MAN2A1: variants seen among roughly 807,000 people sequenced by gnomAD.
The protein encoded by MAN2A1 is mannosidase alpha class 2A member 1, also known as alpha-mannosidase 2.
A neutral mutation model predicts 142.6 loss-of-function variants in MAN2A1; 76 were observed. That is an observed-to-expected ratio of 0.53 (90% CI 0.44 to 0.65). The LOEUF (loss-of-function observed/expected upper bound fraction) is 0.65. MAN2A1 is among the 30% of genes least tolerant of loss of function. The pLI, the probability that MAN2A1 is intolerant of heterozygous loss-of-function variation, is 0.00. For missense variants in MAN2A1, 1,311 were observed against 1,365.1 expected (o/e 0.96, Z 0.62); for synonymous variants, 559 against 473.2 (o/e 1.18, Z -2.35).
intron 12 of MAN2A1, chr5:109,804,306 T>A: frequency 1.0e-6 from 1 of 984,662 alleles, no homozygotes; most frequent in Non-Finnish European, 1.2e-6. Context: ...ATAGAGCCTT[T>A]GGACTTATTT....
At chr5:109,851,287 A>G (rs987894362) in intron 19 of MAN2A1, among the ~76,000 whole-genome samples, 21 of 152,230 alleles carry the variant, frequency 1.4e-4, no homozygotes, top group Non-Finnish European at 2.9e-4. Flanking sequence ...CTCAAAGCCA[A>G]TAGAAATGGA....
At chr5:109,730,863 A>T (rs1056992196) in intron 4 of MAN2A1, among the ~76,000 whole-genome samples, 1 of 152,122 alleles carries the variant, frequency 6.6e-6, no homozygotes, top group African/African-American at 2.4e-5. Context: ...TCTTCTTTGC[A>T]CACTGCGCCA....
At chr5:109,726,381 G>A (rs1364125960) in intron 3 of MAN2A1, among the ~76,000 whole-genome samples, 2 of 152,118 alleles carry the variant, frequency 1.3e-5, no homozygotes, top group Non-Finnish European at 2.9e-5. Context: ...AGCAATAAAA[G>A]CTAATTTACT....
intron 16 of MAN2A1, among the ~76,000 whole-genome samples, chr5:109,828,170 G>T (rs1207388663): frequency 6.6e-6 from 1 of 151,828 alleles, no homozygotes; most frequent in African/African-American, 2.4e-5. Flanking sequence ...CCCATGTCAG[G>T]TTTAATAAAT....
intron 4 of MAN2A1, among the ~76,000 whole-genome samples, chr5:109,735,298 C>A (rs1428616277): frequency 7.1e-4 from 106 of 148,552 alleles, no homozygotes; most frequent in African/African-American, 2.0e-3. Flanking sequence ...CTGAATACAG[C>A]ACACTGATGG....
At chr5:109,854,439 A>G (rs558732715) in intron 19 of MAN2A1, 1 of 152,308 alleles carries the variant, frequency 6.6e-6, no homozygotes, top group African/African-American at 2.4e-5. Flanking sequence ...ATACTATGTA[A>G]GTGTGTGATA....
At chr5:109,860,670 A>G (rs1755732640) in intron 20 of MAN2A1, among the ~76,000 whole-genome samples, 1 of 152,186 alleles carries the variant, frequency 6.6e-6, no homozygotes, top group Non-Finnish European at 1.5e-5. Flanking sequence ...CTCACATCTT[A>G]AGATCTTCAG....
At chr5:109,779,548 TAC>T (rs964912955) in intron 8 of MAN2A1, among the ~76,000 whole-genome samples, 31 of 126,454 alleles carry the variant, frequency 2.5e-4, no homozygotes, top group South Asian at 2.3e-3. Flanking sequence ...CTTTTATGGT[TAC>T]ACACACACAC....
intron 3 of MAN2A1, among the ~76,000 whole-genome samples, chr5:109,718,387 C>A (rs1461967019): frequency 1.3e-5 from 2 of 152,164 alleles, no homozygotes; most frequent in African/African-American, 4.8e-5. Context: ...GTTTACTGGG[C>A]AGAATGCCAA....
chr5:109,815,845 A>G (rs1754442127), intron 12 of MAN2A1, among the ~76,000 whole-genome samples: 2 of 152,186 alleles, frequency 1.3e-5, no homozygotes, highest in South Asian at 2.1e-4. Context: ...TTGTTATCCA[A>G]CTATTCAGTG....
intron 7 of MAN2A1, among the ~76,000 whole-genome samples, chr5:109,771,659 A>G (rs531478761): frequency 6.6e-6 from 1 of 152,336 alleles, no homozygotes; most frequent in African/African-American, 2.4e-5. Context: ...TTAAGTAGGC[A>G]TAAGAGAATA....
intron 12 of MAN2A1, among the ~76,000 whole-genome samples, chr5:109,799,933 C>G (rs963950004): frequency 2.0e-5 from 3 of 151,696 alleles, no homozygotes; most frequent in African/African-American, 4.8e-5. Context: ...ACAGAAAATA[C>G]AAAAATTAGC....
Position 109,868,338 on chromosome 5 carries a change from G to T in MAN2A1, c.*1340G>T, listed in dbSNP as rs959699498. The T allele has an allele frequency of 1.3e-5, 2 of 152,120 alleles. No individual in the cohort carries two copies. Among genetic ancestry groups the T allele is most frequent in the African/African-American group, 4.8e-5 (2 of 41,410 alleles). 9.4% of individuals were successfully genotyped at this position (152,120 alleles called of 1,614,324 possible). ...TTCTGAGCCCGTGTGCCATTACAGT[G>T]CTTTTAATAAAATTTATTTGGGATT... On this transcript the variant is annotated 3_prime_UTR_variant, in exon 22 of 22. Coordinates refer to ENST00000261483, the MANE Select transcript of MAN2A1 (RefSeq NM_002372.4).
At chr5:109,804,341 C>A in intron 12 of MAN2A1, 2 of 936,196 alleles carry the variant, frequency 2.1e-6, no homozygotes, top group Non-Finnish European at 2.6e-6. Context: ...CAGAGAGTAG[C>A]GCTTTTTTTA....
rs767608762 is a variant in MAN2A1, at chr5:109,817,263, G to A, written c.1944-10G>A. 32 of 1,612,230 alleles carry A rather than the reference G, an allele frequency of 2.0e-5. No individual in the cohort carries two copies. Among genetic ancestry groups the A allele is most frequent in the Non-Finnish European group, 2.7e-5 (32 of 1,179,046 alleles). ...TTGAGATCCCAATAATGAAGCAGCT[G>A]TTTTTGCAGGTACCTTGTGGTCTAT... On this transcript the variant is annotated splice_polypyrimidine_tract_variant and intron_variant, in intron 12 of 21. Transcript: ENST00000261483.
chr5:109,748,872 A>G (rs1029444507), intron 4 of MAN2A1, among the ~76,000 whole-genome samples: 1 of 151,650 alleles, frequency 6.6e-6, no homozygotes, highest in Non-Finnish European at 1.5e-5. Flanking sequence ...AGTTTCTCCT[A>G]TCATTATATA....
rs529006059 is a variant in MAN2A1 at position 109,690,089 on chromosome 5, T to C, written c.-329T>C. ...GGCAGGAAGTGCGGGCAGCGACCTC[T>C]CCTCCGCCTGCCCCGCGCGCCCTGC... On this transcript the variant is annotated 5_prime_UTR_variant, in exon 1 of 22. Coordinates refer to ENST00000261483, the MANE Select transcript of MAN2A1 (RefSeq NM_002372.4). 17 of 274,884 alleles carry C rather than the reference T, an allele frequency of 6.2e-5. 1 individual carries two copies. The highest frequency in any genetic ancestry group is 3.7e-4 in the African/African-American group (16 of 43,744). 17.0% of individuals were successfully genotyped at this position (274,884 alleles called of 1,614,324 possible).
intron 9 of MAN2A1, 53 bp from the exon 10 acceptor site, chr5:109,784,691 T>C (rs887166106): frequency 7.2e-7 from 1 of 1,384,834 alleles, no homozygotes; most frequent in South Asian, 1.6e-5. Flanking sequence ...AAGTTTTAGA[T>C]TATAAGCTAA....
intron 20 of MAN2A1, among the ~76,000 whole-genome samples, chr5:109,861,599 G>A (rs949501839): frequency 4.6e-5 from 7 of 152,150 alleles, no homozygotes; most frequent in Non-Finnish European, 7.3e-5. Flanking sequence ...CCCTAAGAAG[G>A]TAGGCAATAT....
Sources: allele counts gnomAD v4.1 joint callset (sites outside exome capture counted in the v4.1 genomes callset), GRCh38; gene constraint gnomAD v4.1.1; transcripts MANE v1.5; gene names NCBI Gene and HGNC (gene_info 2026-07-23, HGNC 2026-07-21).